The following GRIA1 variants were observed in gnomAD, a reference collection of about 807,000 sequenced individuals.
GRIA1 encodes glutamate receptor 1.
A neutral mutation model predicts 99.2 loss-of-function variants in GRIA1; 31 were observed. The ratio of observed to expected loss-of-function variants is 0.31; its 90% confidence interval spans 0.23 to 0.42. The LOEUF (loss-of-function observed/expected upper bound fraction) is 0.42. GRIA1 is among the 10% of genes least tolerant of loss of function. The pLI is 1.00. For synonymous variants in GRIA1, 438 were observed against 432.4 expected (o/e 1.01, Z -0.16); for missense variants, 782 against 1,157.5 (o/e 0.68, Z 4.71).
chr5:153,696,386 C>G (rs367674957), intron 8 of GRIA1, among the ~76,000 whole-genome samples: 64 of 152,268 alleles, frequency 4.2e-4, no homozygotes, highest in African/African-American at 1.3e-3. Context: ...TAAATGCAGC[C>G]TCTGGAGAGA....
intron 2 of GRIA1, among the ~76,000 whole-genome samples, chr5:153,543,668 T>C (rs1759344576): frequency 6.6e-6 from 1 of 152,204 alleles, no homozygotes; most frequent in Admixed American, 6.5e-5. Context: ...AAAATAGAGA[T>C]AATTCTAGCA....
intron 5 of GRIA1, among the ~76,000 whole-genome samples, chr5:153,656,905 T>C (rs1402859402): frequency 6.6e-6 from 1 of 152,168 alleles, no homozygotes; most frequent in Non-Finnish European, 1.5e-5. Flanking sequence ...TTACTTTCTA[T>C]CCGTATGTAT....
At chr5:153,699,157 C>A in intron 10 of GRIA1, 84 bp downstream of exon 10, 1 of 904,756 alleles carries the variant, frequency 1.1e-6, no homozygotes, top group South Asian at 1.4e-5. Context: ...TGGCCCTGCC[C>A]ACAGATGTCT....
At chr5:153,498,180 C>T (rs984471262) in intron 2 of GRIA1, among the ~76,000 whole-genome samples, 7 of 152,156 alleles carry the variant, frequency 4.6e-5, no homozygotes, top group Non-Finnish European at 8.8e-5. Flanking sequence ...CAGGTCTATG[C>T]AGCCTCAATT....
At chr5:153,521,517 C>G (rs1464109465) in intron 2 of GRIA1, among the ~76,000 whole-genome samples, 1 of 152,180 alleles carries the variant, frequency 6.6e-6, no homozygotes, top group Non-Finnish European at 1.5e-5. Flanking sequence ...ATAGATCTTC[C>G]CGGGCAAAAA....
At chr5:153,691,761 C>T (rs748933713) in intron 8 of GRIA1, among the ~76,000 whole-genome samples, 1 of 152,142 alleles carries the variant, frequency 6.6e-6, no homozygotes, top group Non-Finnish European at 1.5e-5. Flanking sequence ...CTGCTGAGCC[C>T]AGAGCCCAGG....
At chr5:153,741,947 A>G (rs985467365) in intron 11 of GRIA1, among the ~76,000 whole-genome samples, 1 of 56,016 alleles carries the variant, frequency 1.8e-5, no homozygotes, top group Non-Finnish European at 3.2e-5. Context: ...AAAAAAAAAA[A>G]AAAGAAAAAG....
Position 153,490,853 on chromosome 5 carries a change from G to C in GRIA1, c.-36G>C. 1 of 1,477,822 alleles carries C rather than the reference G, an allele frequency of 6.8e-7. No homozygotes were observed. Among genetic ancestry groups the C allele is most frequent in the Non-Finnish European group, 9.5e-7 (1 of 1,055,744 alleles). The allele number at this position is 1,477,822 out of a possible 1,614,324, so 91.5% of individuals were successfully genotyped here. A position where few individuals can be genotyped will look rare whatever the true frequency, so the allele number is the denominator to read the frequency against. On this transcript the variant is annotated 5_prime_UTR_variant, in exon 1 of 16. Transcript: ENST00000285900. Reference sequence around the variant, plus strand: ...GGGGGAAACACCAAATCTATGATTGGACCTGGGCTTCTTTTTCGCCAATGC... The same window carrying C: ...GGGGGAAACACCAAATCTATGATTGCACCTGGGCTTCTTTTTCGCCAATGC...
chr5:153,662,069 C>T (rs572543436), intron 5 of GRIA1, among the ~76,000 whole-genome samples: 5 of 152,356 alleles, frequency 3.3e-5, no homozygotes, highest in Admixed American at 1.3e-4. Flanking sequence ...ACTTCTGACT[C>T]TAATGCCCTC....
intron 2 of GRIA1, among the ~76,000 whole-genome samples, chr5:153,564,583 T>C (rs1761451496): frequency 6.6e-6 from 1 of 152,154 alleles, no homozygotes; most frequent in Non-Finnish European, 1.5e-5. Flanking sequence ...GTGAGCTGTG[T>C]TGGAGCTGTC....
intron 2 of GRIA1, among the ~76,000 whole-genome samples, chr5:153,626,444 C>CTGTGTGTGTGTGTGTGTGTGTG (rs3036985): frequency 1.4e-5 from 2 of 142,444 alleles, no homozygotes; most frequent in African/African-American, 5.3e-5. Flanking sequence ...GTGTGTGTGT[C>CTGTGTGTGTGTGTGTGTGTGTG]TGTGTGTGTG....
chr5:153,490,760 A>C lies in GRIA1; in HGVS notation c.-129A>C. 1.3e-6 allele frequency: 1 copy of C among 768,340 alleles called. No homozygotes were observed. Among genetic ancestry groups the C allele is most frequent in the Non-Finnish European group, 2.3e-6 (1 of 425,814 alleles). 47.6% of individuals were successfully genotyped at this position (768,340 alleles called of 1,614,324 possible). On this transcript the variant is annotated 5_prime_UTR_variant, in exon 1 of 16. Transcript: ENST00000285900. ...ACAAACCTCACGAAAGGAAGGAAGCAAGCAAGCAAGGAAGGAACTGCAGGA... is the reference window on the plus strand; with the variant it reads ...ACAAACCTCACGAAAGGAAGGAAGCCAGCAAGCAAGGAAGGAACTGCAGGA...
At chr5:153,698,012 AC>A (rs1400074046) in intron 8 of GRIA1, 31 bp from the exon 9 acceptor site, 1 of 1,260,426 alleles carries the variant, frequency 7.9e-7, no homozygotes, top group East Asian at 2.3e-5. Context: ...AGGCTGGCCC[AC>A]CTGACACCTC....
At chr5:153,584,282 G>T (rs974373920) in intron 2 of GRIA1, among the ~76,000 whole-genome samples, 3 of 152,156 alleles carry the variant, frequency 2.0e-5, no homozygotes, top group African/African-American at 4.8e-5. Context: ...CTAACATGTG[G>T]TATATATTAA....
intron 11 of GRIA1, among the ~76,000 whole-genome samples, chr5:153,744,056 G>A (rs1300488823): frequency 6.6e-6 from 1 of 152,148 alleles, no homozygotes; most frequent in Non-Finnish European, 1.5e-5. Flanking sequence ...GGGTGAGGAT[G>A]AAGTTGAAGG....
rs191947769 is a variant in GRIA1 at position 153,513,052 on chromosome 5, C to T, written c.220+18987C>T. Reference sequence around the variant, plus strand: ...CCTCACCATAGTGGCACCATGATCTCGCACTTCCAGTTTCCAGAACTGTGA... The same window carrying T: ...CCTCACCATAGTGGCACCATGATCTTGCACTTCCAGTTTCCAGAACTGTGA... On this transcript the variant is annotated intron_variant, in intron 2 of 15. Transcript: ENST00000285900. Among the ~76,000 whole-genome samples the T allele has an allele frequency of 1.1e-4, 17 of 152,248 alleles. No individual in the cohort carries two copies. The East Asian group carries it at 2.1e-3, about 19-fold the overall frequency.
chr5:153,801,318 C>G (rs1380601032), intron 14 of GRIA1, among the ~76,000 whole-genome samples: 1 of 141,998 alleles, frequency 7.0e-6, no homozygotes, highest in Non-Finnish European at 1.5e-5. Flanking sequence ...TGAGCCCTGG[C>G]CACCTCCCAC....
At chr5:153,752,296 C>T (rs1762556489) in intron 11 of GRIA1, among the ~76,000 whole-genome samples, 2 of 152,056 alleles carry the variant, frequency 1.3e-5, no homozygotes, top group Admixed American at 1.3e-4. Flanking sequence ...TTGGTGATCT[C>T]CCACTCCTAC....
Position 153,699,018 on chromosome 5 carries a change from C to A in GRIA1, c.1397C>A (p.Ala466Asp). The change falls in exon 10 of 16, where the codon GCC becomes GAC. Residue 466 changes from alanine to aspartate, a missense_variant. By Grantham distance (126) the Ala-to-Asp change is moderately radical. Coordinates refer to ENST00000285900, the MANE Select transcript of GRIA1 (RefSeq NM_000827.4). Reference sequence around the variant, plus strand: ...ATTGTCAGTGATGGAAAATACGGAGCCCGAGACCCTGACACGAAGGCCTGG... The same window carrying A: ...ATTGTCAGTGATGGAAAATACGGAGACCGAGACCCTGACACGAAGGCCTGG... Reference protein sequence around the residue: ...LEIVSDGKYGARDPDTKAWNG... With the variant: ...LEIVSDGKYGDRDPDTKAWNG... 6.2e-7 allele frequency: 1 copy of A among 1,613,798 alleles called. No homozygotes were observed. The highest frequency in any genetic ancestry group is 1.7e-5 in the Admixed American group (1 of 59,990).
Sources: allele counts gnomAD v4.1 joint callset (sites outside exome capture counted in the v4.1 genomes callset), GRCh38; gene constraint gnomAD v4.1.1; transcripts MANE v1.5; gene names NCBI Gene and HGNC (gene_info 2026-07-23, HGNC 2026-07-21).